The following ANKRD36C variants were observed in gnomAD, a reference collection of about 807,000 sequenced individuals.
ANKRD36C encodes ankyrin repeat domain-containing protein 36C.
ANKRD36C carries 61 observed loss-of-function variants against 276.4 expected under a neutral mutation model. The ratio of observed to expected loss-of-function variants is 0.22; its 90% CI spans 0.18 to 0.27. The LOEUF is 0.27. ANKRD36C is among the 10% of genes least tolerant of loss of function. The pLI is 1.00. For missense variants in ANKRD36C, 1,447 were observed against 2,032.3 expected, an observed-to-expected ratio of 0.71 and a Z score of 5.54; for synonymous variants, 483 against 680.1, an observed-to-expected ratio of 0.71 and a Z score of 4.51.
intron 34 of ANKRD36C, 30 bp from the exon 35 acceptor site, chr2:95,919,950 CAT>C: frequency 6.5e-7 from 1 of 1,532,944 alleles, no homozygotes; most frequent in Non-Finnish European, 8.8e-7. Flanking sequence ...CATAATCACT[CAT>C]ATATAAATAT....
At chr2:95,866,321 A>T (rs2104284087) in intron 60 of ANKRD36C, among the ~76,000 whole-genome samples, 1 of 152,352 alleles carries the variant, frequency 6.6e-6, no homozygotes, top group East Asian at 1.9e-4. Context: ...GCTCTTCAAA[A>T]GATACTACAA....
intron 12 of ANKRD36C, among the ~76,000 whole-genome samples, chr2:95,957,298 G>A (rs962183725): frequency 2.2e-4 from 34 of 152,260 alleles, no homozygotes; most frequent in Non-Finnish European, 4.3e-4. Flanking sequence ...GACATCAGAA[G>A]GATTTAAACC....
intron 32 of ANKRD36C, among the ~76,000 whole-genome samples, 171 bp from the exon 33 acceptor site, chr2:95,921,981 G>A (rs913655360): frequency 6.6e-6 from 1 of 151,592 alleles, no homozygotes; most frequent in Non-Finnish European, 1.5e-5. Flanking sequence ...AAGAAAACAG[G>A]AATTGATGTG....
intron 24 of ANKRD36C, among the ~76,000 whole-genome samples, chr2:95,933,519 T>A (rs1035581985): frequency 6.6e-6 from 1 of 152,230 alleles, no homozygotes; most frequent in African/African-American, 2.4e-5. Context: ...TTCCTAGGTA[T>A]TTTATTCTCT....
rs1381835986 is a variant in ANKRD36C at position 95,880,635 on chromosome 2, G to A, written c.3368-12C>T. The A allele has an allele frequency of 1.6e-5, 24 of 1,518,730 alleles. 1 individual carries two copies. Among genetic ancestry groups the A allele is most frequent in the Non-Finnish European group, 2.1e-5 (23 of 1,118,720 alleles). 94.1% of individuals were successfully genotyped at this position (1,518,730 alleles called of 1,614,324 possible). On this transcript the variant is annotated splice_polypyrimidine_tract_variant and intron_variant, in intron 56 of 66. Transcript: ENST00000456556. Reference sequence around the variant, plus strand: ...ATTCTCAGGATACTCTAACAAGCAAGAGAAATATATAATCAATCATATGTA... The same window carrying A: ...ATTCTCAGGATACTCTAACAAGCAAAAGAAATATATAATCAATCATATGTA...
At chr2:95,888,227 A>G (rs913700830) in intron 48 of ANKRD36C, 107 bp from the exon 69 acceptor site, 2 of 1,552,604 alleles carry the variant, frequency 1.3e-6, no homozygotes, top group African/African-American at 1.4e-5. Flanking sequence ...CTGTATTAGT[A>G]TAGGCTTTGA....
At chr2:95,956,963 T>A (rs1678341805) in intron 12 of ANKRD36C, 147 bp from the exon 13 acceptor site, 1 of 701,016 alleles carries the variant, frequency 1.4e-6, no homozygotes, top group South Asian at 2.1e-5. Flanking sequence ...GCCCAGGCAA[T>A]TCAGACCAGC....
At chr2:95,902,127 C>A (rs1225617593) in intron 42 of ANKRD36C, among the ~76,000 whole-genome samples, 1 of 149,690 alleles carries the variant, frequency 6.7e-6, no homozygotes, top group African/African-American at 2.5e-5. Flanking sequence ...CAAGAGGTAG[C>A]TCCTTGAACA....
chr2:95,884,111 G>A (rs1573738730), intron 54 of ANKRD36C, 62 bp downstream of exon 74: 1 of 1,518,760 alleles, frequency 6.6e-7, no homozygotes, highest in Non-Finnish European at 9.0e-7. Flanking sequence ...TGATTTATTT[G>A]GGAAGAGAAG....
At chr2:95,880,887 A>T (rs1478282100) in intron 56 of ANKRD36C, among the ~76,000 whole-genome samples, 7 of 152,380 alleles carry the variant, frequency 4.6e-5, no homozygotes, top group East Asian at 1.9e-4. Context: ...GTTAATATCA[A>T]TGTGGATATA....
At chr2:95,883,293 T>C (rs1045646578) in intron 54 of ANKRD36C, among the ~76,000 whole-genome samples, 2 of 152,126 alleles carry the variant, frequency 1.3e-5, no homozygotes, top group African/African-American at 4.8e-5. Flanking sequence ...CCAATATTCA[T>C]TGAAAATAAC....
At chr2:95,855,401 A>T in exon 63 of ANKRD36C, 1 of 1,613,494 alleles carries the variant, frequency 6.2e-7, no homozygotes, top group Non-Finnish European at 8.5e-7. Flanking sequence ...TTTCTACTCT[A>T]GCATCACATC....
chr2:95,913,444 C>A (rs917080295), intron 40 of ANKRD36C, among the ~76,000 whole-genome samples: 6 of 151,342 alleles, frequency 4.0e-5, no homozygotes, highest in African/African-American at 1.2e-4. Context: ...TCTGATGCCT[C>A]CTAGTAACCA....
At chr2:95,857,563 A>G (rs1675446772) in intron 61 of ANKRD36C, 71 bp from the exon 82 acceptor site, 1 of 1,463,484 alleles carries the variant, frequency 6.8e-7, no homozygotes, top group African/African-American at 1.4e-5. Context: ...TCTTACCCAA[A>G]TTCCTACCTA....
chr2:95,987,605 CTTTTTTTT>C (rs35536038), intron 1 of ANKRD36C, among the ~76,000 whole-genome samples: 1 of 87,484 alleles, frequency 1.1e-5, no homozygotes, highest in Non-Finnish European at 2.1e-5. Flanking sequence ...CTTACAAAGA[CTTTTTTTT>C]TTTTTTTTTT....
Position 95,888,517 on chromosome 2 carries a change from C to T in ANKRD36C, c.2960-397G>A, listed in dbSNP as rs148030840. Among the ~76,000 whole-genome samples the T allele has an allele frequency of 9.4e-3, 1,433 of 151,736 alleles. 11 individuals are homozygous for T. Among genetic ancestry groups the T allele is most frequent in the South Asian group, 0.031 (148 of 4,816 alleles). On this transcript the variant is annotated intron_variant, in intron 48 of 66. Coordinates refer to ENST00000456556, the Ensembl canonical transcript of ANKRD36C. Reference sequence around the variant, plus strand: ...ATGCAAGAAATCAAAAGGATTTACACCATTATAGTACAAACATTCATTGTG... The same window carrying T: ...ATGCAAGAAATCAAAAGGATTTACATCATTATAGTACAAACATTCATTGTG...
intron 50 of ANKRD36C, among the ~76,000 whole-genome samples, chr2:95,886,593 G>A (rs1458619390): frequency 1.3e-5 from 2 of 151,686 alleles, no homozygotes; most frequent in Non-Finnish European, 1.5e-5. Context: ...GTCAAAGCAG[G>A]TGGTACATGC....
At chr2:95,878,842 C>A (rs1676011249) in intron 58 of ANKRD36C, among the ~76,000 whole-genome samples, 1 of 152,092 alleles carries the variant, frequency 6.6e-6, no homozygotes, top group African/African-American at 2.4e-5. Context: ...GAAAGCAGAA[C>A]CCTCGTACAC....
Position 95,884,208 on chromosome 2 carries a change from G to A in ANKRD36C, c.3230C>T (p.Ala1077Val), listed in dbSNP as rs759743276. ...TTTTTCTCCATCCTTTATTTCTCTG[G>A]CTATATTCGAAACAGAATCTTTCTC... The change falls in exon 54 of 67, where the codon GCC becomes GTC. Residue 1077 changes from alanine to valine, a missense_variant. Around this residue, in one of 13 missense-constraint regions of ANKRD36C, gnomAD observed 565 missense variants for 539.5 expected, o/e 1.05. Coordinates refer to ENST00000456556, the Ensembl canonical transcript of ANKRD36C. 3.1e-6 allele frequency: 5 copies of A among 1,609,278 alleles called. No homozygotes were observed. The African/African-American group carries it at 5.4e-5, about 17-fold the overall frequency.
Sources: allele counts gnomAD v4.1 joint callset (sites outside exome capture counted in the v4.1 genomes callset), GRCh38; gene constraint gnomAD v4.1.1; regional missense constraint gnomAD v4.1.1; transcripts MANE v1.5; gene names NCBI Gene and HGNC (gene_info 2026-07-23, HGNC 2026-07-21).